SLC9A9: variants seen among roughly 807,000 people sequenced by gnomAD.
SLC9A9 encodes sodium/hydrogen exchanger 9.
Under a neutral mutation model 77.8 loss-of-function variants are expected in SLC9A9, and 62 were observed. The observed-to-expected ratio is 0.80, with a 90% CI of 0.65 to 0.98. SLC9A9 has a LOEUF of 0.98. SLC9A9 is among the 50% of genes least tolerant of loss of function. SLC9A9 has a pLI of 0.00. For synonymous variants in SLC9A9, 320 were observed against 283.5 expected, an observed-to-expected ratio of 1.13 and a Z score of -1.29; for missense variants, 775 against 774.9, an observed-to-expected ratio of 1.00 and a Z score of 0.00.
At chr3:143,668,576 A>T (rs908131233) in intron 5 of SLC9A9, among the ~76,000 whole-genome samples, 1 of 152,160 alleles carries the variant, frequency 6.6e-6, no homozygotes, top group African/African-American at 2.4e-5. Flanking sequence ...TTTGAATAGA[A>T]CTTTTTGGCT....
rs142519431 is a variant in SLC9A9, at chr3:143,279,560, C to T, written c.1605-10580G>A. On this transcript the variant is annotated intron_variant, in intron 14 of 15. Coordinates refer to ENST00000316549, the MANE Select transcript of SLC9A9 (RefSeq NM_173653.4). The stretch of plus-strand genomic sequence containing the variant: ...GTATTTCTCCTAATGCTATCCCTCC[C>T]CTAAATCCCCCACCACTCAACGGGC... Among the ~76,000 whole-genome samples the T allele has an allele frequency of 7.5e-3, 1,147 of 152,270 alleles. 7 individuals carry two copies. Among genetic ancestry groups the T allele is most frequent in the African/African-American group, 0.026 (1,081 of 41,542 alleles).
intron 12 of SLC9A9, among the ~76,000 whole-genome samples, chr3:143,435,359 T>C (rs1490274541): frequency 6.6e-6 from 1 of 152,310 alleles, no homozygotes; most frequent in East Asian, 1.9e-4. Flanking sequence ...TTGGGTCCAA[T>C]GGCGTTGTGT....
At chr3:143,659,880 T>C (rs971823250) in intron 5 of SLC9A9, among the ~76,000 whole-genome samples, 1 of 152,204 alleles carries the variant, frequency 6.6e-6, no homozygotes, top group African/African-American at 2.4e-5. Context: ...AATTAAATCA[T>C]GAGGAGCTGG....
At chr3:143,403,502 T>G (rs1343830964) in intron 12 of SLC9A9, among the ~76,000 whole-genome samples, 1 of 152,026 alleles carries the variant, frequency 6.6e-6, no homozygotes, top group Non-Finnish European at 1.5e-5. Flanking sequence ...TTCCTTTCAT[T>G]AAAAAAAACT....
intron 1 of SLC9A9, among the ~76,000 whole-genome samples, chr3:143,835,710 G>T (rs2009551252): frequency 1.3e-5 from 2 of 152,204 alleles, no homozygotes; most frequent in African/African-American, 4.8e-5. Context: ...CACAGAAGAA[G>T]GAAAGAGGAG....
At chr3:143,410,421 C>T (rs1199604375) in intron 12 of SLC9A9, among the ~76,000 whole-genome samples, 1 of 152,166 alleles carries the variant, frequency 6.6e-6, no homozygotes, top group Non-Finnish European at 1.5e-5. Flanking sequence ...CTTCTCCATT[C>T]TCTCATATAT....
At chr3:143,497,957 T>C (rs1054780066) in intron 9 of SLC9A9, among the ~76,000 whole-genome samples, 28 of 152,152 alleles carry the variant, frequency 1.8e-4, no homozygotes, top group Non-Finnish European at 2.8e-4. Context: ...AGTCGTTTTG[T>C]TTTGATTTTT....
intron 14 of SLC9A9, among the ~76,000 whole-genome samples, chr3:143,349,015 C>G (rs1413182617): frequency 6.6e-6 from 1 of 152,128 alleles, no homozygotes; most frequent in African/African-American, 2.4e-5. Context: ...CCCAAGAATC[C>G]CCTGATCTTG....
Position 143,794,990 on chromosome 3 carries a change from A to T in SLC9A9, c.533+11T>A, listed in dbSNP as rs2008335932. On this transcript the variant is annotated intron_variant, in intron 4 of 15. Transcript: ENST00000316549. The stretch of plus-strand genomic sequence containing the variant: ...CAGCCACCTGCAACTTGAGCTCCGA[A>T]TGTCACTTACCCTATGACGATGCAG... 6.2e-7 allele frequency: 1 copy of T among 1,613,382 alleles called. No homozygotes were observed. The highest frequency in any genetic ancestry group is 1.3e-5 in the African/African-American group (1 of 75,016).
At chr3:143,393,640 C>CA (rs574532629) in intron 12 of SLC9A9, among the ~76,000 whole-genome samples, 26 of 152,074 alleles carry the variant, frequency 1.7e-4, no homozygotes, top group Admixed American at 1.7e-3. Context: ...AAAAACCCTT[C>CA]AAAAAATCAA....
intron 9 of SLC9A9, among the ~76,000 whole-genome samples, chr3:143,500,309 T>C (rs1459875106): frequency 6.6e-6 from 1 of 152,226 alleles, no homozygotes; most frequent in East Asian, 1.9e-4. Context: ...TGTATTTATA[T>C]CTTTCCCCAT....
rs2008379572 is a variant in SLC9A9 at position 143,796,173 on chromosome 3, T to C, written c.456+653A>G. On this transcript the variant is annotated intron_variant, in intron 3 of 15. Transcript: ENST00000316549. ...TTATGTGAATTACTAATGTACAAAATGTGCATAGTCAGGCCGTGCTCAAGT... is the reference window on the plus strand; with the variant it reads ...TTATGTGAATTACTAATGTACAAAACGTGCATAGTCAGGCCGTGCTCAAGT... 1.3e-5 allele frequency among the ~76,000 whole-genome samples: 2 copies of C among 152,206 alleles called. 1 individual carries two copies. The highest frequency in any genetic ancestry group is 4.1e-4 in the South Asian group (2 of 4,832).
chr3:143,342,907 T>C (rs2032150745), intron 14 of SLC9A9, among the ~76,000 whole-genome samples: 1 of 152,222 alleles, frequency 6.6e-6, no homozygotes, highest in Non-Finnish European at 1.5e-5. Flanking sequence ...CCTTCTTTCT[T>C]ATCTATATGT....
At chr3:143,413,794 G>A (rs2034141761) in intron 12 of SLC9A9, among the ~76,000 whole-genome samples, 1 of 151,948 alleles carries the variant, frequency 6.6e-6, no homozygotes, top group Non-Finnish European at 1.5e-5. Flanking sequence ...GTGTGTGTGT[G>A]TGTGTGTGTG....
chr3:143,380,029 A>G (rs1345806492), intron 13 of SLC9A9, among the ~76,000 whole-genome samples: 2 of 152,206 alleles, frequency 1.3e-5, no homozygotes, highest in South Asian at 2.1e-4. Context: ...TCCCTTGATT[A>G]TCATAAATAA....
intron 12 of SLC9A9, among the ~76,000 whole-genome samples, chr3:143,420,689 C>A (rs1014249889): frequency 6.6e-6 from 1 of 152,050 alleles, no homozygotes; most frequent in Non-Finnish European, 1.5e-5. Flanking sequence ...AGGCATTGTG[C>A]CAAGTGGTTT....
intron 12 of SLC9A9, among the ~76,000 whole-genome samples, chr3:143,384,753 C>T (rs771583218): frequency 4.6e-5 from 7 of 152,160 alleles, no homozygotes; most frequent in African/African-American, 1.2e-4. Flanking sequence ...GCAGGACAAA[C>T]GCCACAAGTG....
At chr3:143,547,700 C>T (rs1274334666) in intron 9 of SLC9A9, among the ~76,000 whole-genome samples, 1 of 152,238 alleles carries the variant, frequency 6.6e-6, no homozygotes, top group Non-Finnish European at 1.5e-5. Flanking sequence ...CAAATGTCCA[C>T]ATGGCTCCCT....
At chr3:143,276,147 G>A (rs1938041601) in intron 14 of SLC9A9, among the ~76,000 whole-genome samples, 1 of 152,156 alleles carries the variant, frequency 6.6e-6, no homozygotes, top group Non-Finnish European at 1.5e-5. Context: ...GATCCATTTT[G>A]AAAGCTCTCA....
Sources: gnomAD v4.1 joint callset for allele counts (sites outside exome capture counted in the v4.1 genomes callset) on GRCh38, gnomAD v4.1.1 for gene constraint, MANE v1.5 for transcripts, NCBI Gene and HGNC (gene_info 2026-07-23, HGNC 2026-07-21) for gene names.